The following INTS3 variants were observed in gnomAD, a reference collection of about 807,000 sequenced individuals.
INTS3 encodes the protein integrator complex subunit 3.
A neutral mutation model predicts 146.3 loss-of-function variants in INTS3; 34 were observed. The ratio of observed to expected loss-of-function variants is 0.23; its 90% confidence interval spans 0.18 to 0.31. The LOEUF is 0.31. Ranked by LOEUF, INTS3 falls within the 10% of genes least tolerant of loss-of-function variation. The probability of loss-of-function intolerance (pLI) is 1.00; values close to 1 mark genes in which losing one functional copy is unlikely to be tolerated. For synonymous variants in INTS3, 475 were observed against 494.9 expected (o/e 0.96, Z 0.53); for missense variants, 757 against 1,304.2 (o/e 0.58, Z 6.46).
At chr1:153,731,901 CTTTTTTTT>C (rs34353204) in intron 1 of INTS3, among the ~76,000 whole-genome samples, 175 of 65,282 alleles carry the variant, frequency 2.7e-3, no homozygotes, top group African/African-American at 0.011. Flanking sequence ...CTTTTTTTAA[CTTTTTTTT>C]TTTTTTTTTT....
intron 11 of INTS3, chr1:153,759,817 C>T (rs1456019730): frequency 3.6e-5 from 21 of 583,148 alleles, no homozygotes; most frequent in Non-Finnish European, 5.5e-5. Context: ...TACCTCCTCC[C>T]CACAGTCTTC....
At chr1:153,746,165 T>A (rs1172200089) in intron 3 of INTS3, among the ~76,000 whole-genome samples, 1 of 152,244 alleles carries the variant, frequency 6.6e-6, no homozygotes, top group Non-Finnish European at 1.5e-5. Flanking sequence ...TACTACTCCC[T>A]TTGCTGTATC....
chr1:153,767,705 G>C lies in INTS3; in HGVS notation c.2122G>C (p.Glu708Gln). Residue 708 changes from glutamate (E) to glutamine (Q), a missense_variant, in exon 21 of 30, where the codon GAG (glutamate) becomes CAG (glutamine). Physicochemically the swap from Glu to Gln is conservative, Grantham distance 29. Transcript: ENST00000318967. ...CGCCGCAGGGAAGATGAACCTGTAC[G>C]AGTCATTTGCCCAGGCTACCCAGCT... ...KAAAGKMNLY[E>Q]SFAQATQLGD... 1 of 1,610,416 alleles carries C rather than the reference G, an allele frequency of 6.2e-7. No individual in the cohort carries two copies. The highest frequency in any genetic ancestry group is 8.5e-7 in the Non-Finnish European group (1 of 1,177,796).
intron 1 of INTS3, among the ~76,000 whole-genome samples, chr1:153,730,939 C>T (rs1671036707): frequency 6.6e-6 from 1 of 152,146 alleles, no homozygotes; most frequent in South Asian, 2.1e-4. Context: ...GGTCTCCCCA[C>T]AGATCTCTGC....
In INTS3 at chr1:153,763,229, T is replaced by G; in HGVS notation, c.1637-4T>G. 1.9e-6 allele frequency: 3 copies of G among 1,614,108 alleles called. No individual in the cohort carries two copies. Among genetic ancestry groups the G allele is most frequent in the Non-Finnish European group, 2.5e-6 (3 of 1,180,004 alleles). ...TGACTTCTTTCCCAAATCACTCCCT[T>G]TAGGAAAGAAGAGGGAGTTTCGCTT... On this transcript the variant is annotated splice_region_variant and splice_polypyrimidine_tract_variant and intron_variant, in intron 15 of 29. Transcript: ENST00000318967.
At chr1:153,767,862 T>C in intron 21 of INTS3, 35 bp downstream of exon 21, 1 of 1,563,964 alleles carries the variant, frequency 6.4e-7, no homozygotes, top group Non-Finnish European at 8.7e-7. Flanking sequence ...GCCGGGGGGC[T>C]CACAGGAACA....
At chr1:153,750,117 A>G (rs535449696) in intron 6 of INTS3, among the ~76,000 whole-genome samples, 1 of 152,368 alleles carries the variant, frequency 6.6e-6, no homozygotes, top group South Asian at 2.1e-4. Flanking sequence ...GTGAAAAGAA[A>G]AGGCCACAGA....
intron 8 of INTS3, 36 bp from the exon 9 acceptor site, chr1:153,754,606 C>G (rs1672093249): frequency 7.1e-7 from 1 of 1,399,868 alleles, no homozygotes; most frequent in Non-Finnish European, 1.0e-6. Context: ...GGTCCTTAGG[C>G]TTCCTCTTTT....
At position 153,772,572 on chromosome 1, in the gene INTS3, T is replaced by A; in HGVS notation, c.2822-67T>A. 1 of 1,612,320 alleles carries A rather than the reference T, an allele frequency of 6.2e-7. No individual in the cohort carries two copies. Among genetic ancestry groups the A allele is most frequent in the Non-Finnish European group, 8.5e-7 (1 of 1,179,120 alleles). On this transcript the variant is annotated intron_variant, in intron 27 of 29. Coordinates refer to ENST00000318967, the MANE Select transcript of INTS3 (RefSeq NM_023015.5). The surrounding 1 kb of genome is among the most constrained non-coding windows in gnomAD (Gnocchi z 4.6). ...CACTCGGGATAAAACAACCTGTGCG[T>A]GCTGTTTAATAAGCTCCCAGACATC...
intron 1 of INTS3, among the ~76,000 whole-genome samples, chr1:153,736,907 G>A (rs545666934): frequency 1.3e-4 from 20 of 151,958 alleles, no homozygotes; most frequent in Admixed American, 1.3e-3. Flanking sequence ...GGGACTACAG[G>A]CGCCTGCCAC....
chr1:153,731,955 TG>T (rs1189799223), intron 1 of INTS3, among the ~76,000 whole-genome samples: 17 of 128,242 alleles, frequency 1.3e-4, no homozygotes, highest in Non-Finnish European at 2.4e-4. Flanking sequence ...TCGCCCAGGC[TG>T]GAGTGCAGTG....
intron 14 of INTS3, 135 bp from the exon 15 acceptor site, chr1:153,762,593 C>T (rs1672425239): frequency 1.8e-6 from 2 of 1,082,420 alleles, no homozygotes; most frequent in Admixed American, 5.1e-5. Context: ...GGTTTGTCCT[C>T]CCAGGGTCAG....
intron 14 of INTS3, 59 bp from the exon 15 acceptor site, chr1:153,762,669 T>A: frequency 6.3e-7 from 1 of 1,596,656 alleles, no homozygotes; most frequent in Non-Finnish European, 8.6e-7. Context: ...CCTAGAAGCA[T>A]GGGGCATGTT....
In INTS3 at chr1:153,763,338, A is replaced by G. The variant is rs1204841564; in HGVS notation, c.1742A>G (p.Lys581Arg). The G allele has an allele frequency of 1.2e-6, 2 of 1,614,174 alleles. No homozygotes were observed. Among genetic ancestry groups the G allele is most frequent in the Admixed American group, 1.7e-5 (1 of 60,020 alleles). Residue 581 changes from lysine (K) to arginine (R), a missense_variant, in exon 16 of 30, where the codon AAA becomes AGA. Lys to Arg is a conservative substitution (Grantham distance 26, BLOSUM62 2). This residue lies in a region of INTS3 where 89 missense variants were observed against 210.9 expected (regional missense o/e 0.42). Transcript: ENST00000318967. ...LDQLDESLRD[K>R]VLQLQKGSDT... ...CAGTTGGATGAGTCCCTGAGGGACA[A>G]AGTACTCCAGCTACAGAAGGGGAGG...
chr1:153,760,226 CTG>C, intron 11 of INTS3, 83 bp from the exon 12 acceptor site: 1 of 828,544 alleles, frequency 1.2e-6, no homozygotes, highest in Non-Finnish European at 1.8e-6. Context: ...GAGCAAGACT[CTG>C]TTTCAAAAAA....
intron 25 of INTS3, among the ~76,000 whole-genome samples, chr1:153,771,116 C>G (rs1365176904): frequency 1.3e-5 from 2 of 152,000 alleles, no homozygotes; most frequent in Non-Finnish European, 2.9e-5. Flanking sequence ...AGAGGGGTCA[C>G]GCACCATCCT....
chr1:153,756,637 G>A (rs189983381), intron 9 of INTS3, among the ~76,000 whole-genome samples: 4 of 151,922 alleles, frequency 2.6e-5, no homozygotes, highest in Admixed American at 2.6e-4. Context: ...CCAACATGGT[G>A]AAACCCCGTC....
chr1:153,756,274 A>G (rs77341498), intron 9 of INTS3, among the ~76,000 whole-genome samples: 4,589 of 151,046 alleles, frequency 0.03, 97 homozygotes, highest in Middle Eastern at 0.1. Flanking sequence ...CAGGAGAATC[A>G]CTTGAACCCA....
At chr1:153,771,683 T>TG in intron 25 of INTS3, 113 bp from the exon 26 acceptor site, 1 of 965,988 alleles carries the variant, frequency 1.0e-6, no homozygotes, top group Non-Finnish European at 1.6e-6. Flanking sequence ...GGGAGAGGGA[T>TG]GTGAGAGTAG....
Sources: gnomAD v4.1 joint callset for allele counts (sites outside exome capture counted in the v4.1 genomes callset) on GRCh38, gnomAD v4.1.1 for gene constraint, gnomAD v4.1.1 regional missense constraint, Gnocchi (gnomAD v3.1) non-coding constraint, MANE v1.5 for transcripts, NCBI Gene and HGNC (gene_info 2026-07-23, HGNC 2026-07-21) for gene names.